The following TRAPPC10 variants were observed in gnomAD, a reference collection of about 807,000 sequenced individuals.
TRAPPC10 encodes the protein trafficking protein particle complex subunit 10.
TRAPPC10 carries 23 observed loss-of-function variants against 125.5 expected under a neutral mutation model. The observed-to-expected ratio is 0.18, with a 90% CI of 0.13 to 0.26. TRAPPC10 has a LOEUF of 0.26. Ranked by LOEUF, TRAPPC10 falls within the 10% of genes least tolerant of loss-of-function variation. The pLI is 1.00. For missense variants in TRAPPC10, 1,123 were observed against 1,308.4 expected (o/e 0.86, Z 2.19); for synonymous variants, 509 against 518.0 (o/e 0.98, Z 0.24).
In TRAPPC10 at chr21:44,087,018, G is replaced by T; in HGVS notation, c.2539+58G>T. 2 of 1,580,914 alleles carry T rather than the reference G, an allele frequency of 1.3e-6. No individual in the cohort carries two copies. On this transcript the variant is annotated intron_variant, in intron 16 of 22. Coordinates refer to ENST00000291574, the MANE Select transcript of TRAPPC10 (RefSeq NM_003274.5). The surrounding 1 kb of genome is among the most constrained non-coding windows in gnomAD (Gnocchi z 4.6). ...TGCCCACCTTGCCCTGCACTGTGTGGGTGTGAGGGTGAGCCTGGCCTTGCT... is the reference window on the plus strand; with the variant it reads ...TGCCCACCTTGCCCTGCACTGTGTGTGTGTGAGGGTGAGCCTGGCCTTGCT...
Position 44,032,089 on chromosome 21 carries a change from A to G in TRAPPC10, c.68-2A>G. 1 of 1,611,276 alleles carries G rather than the reference A, an allele frequency of 6.2e-7. No individual in the cohort carries two copies. Among genetic ancestry groups the G allele is most frequent in the Non-Finnish European group, 8.5e-7 (1 of 1,178,662 alleles). ...AACTGAATTTCTTTCTTCCCTTCAT[A>G]GGTGCTGGAGATCAGAATTTATTTA... On this transcript the variant is annotated splice_acceptor_variant, in intron 1 of 22. Transcript: ENST00000291574. LOFTEE classifies it high-confidence loss of function.
intron 1 of TRAPPC10, among the ~76,000 whole-genome samples, chr21:44,030,857 G>A (rs542761001): frequency 6.6e-6 from 1 of 152,246 alleles, no homozygotes; most frequent in Non-Finnish European, 1.5e-5. Context: ...TTAACAAAAT[G>A]TAGTAATAGT....
At chr21:44,015,660 G>C (rs1407559330) in intron 1 of TRAPPC10, among the ~76,000 whole-genome samples, 4 of 151,278 alleles carry the variant, frequency 2.6e-5, no homozygotes, top group Admixed American at 2.6e-4. Flanking sequence ...TCTTGCCCAG[G>C]CTGGAGTGCA....
rs537721735 is a variant in TRAPPC10 at position 44,044,238 on chromosome 21, T to C, written c.285+6311T>C. On this transcript the variant is annotated intron_variant, in intron 3 of 22. Transcript: ENST00000291574. Reference sequence around the variant, plus strand: ...TCTGCCCTTATTTTTCGTAAAAGTTTTACATTTTTATTGTTAGCTTTAGCT... The same window carrying C: ...TCTGCCCTTATTTTTCGTAAAAGTTCTACATTTTTATTGTTAGCTTTAGCT... 7.2e-5 allele frequency among the ~76,000 whole-genome samples: 11 copies of C among 152,336 alleles called. No individual in the cohort carries two copies. In the East Asian group the frequency reaches 1.9e-3, roughly 27 times the overall value.
chr21:44,031,951 G>C, intron 1 of TRAPPC10, 140 bp from the exon 2 acceptor site: 1 of 692,854 alleles, frequency 1.4e-6, no homozygotes, highest in South Asian at 1.8e-5. Flanking sequence ...TTATGTAGAG[G>C]CACAGGTACA....
chr21:44,084,063 A>C (rs985409087), intron 14 of TRAPPC10, 59 bp from the exon 15 acceptor site: 3 of 1,604,474 alleles, frequency 1.9e-6, no homozygotes, highest in Non-Finnish European at 2.6e-6. Flanking sequence ...GCGCTACCGC[A>C]GGAAGCTAAC....
At chr21:44,080,272 C>T in intron 13 of TRAPPC10, 145 bp downstream of exon 13, 1 of 604,804 alleles carries the variant, frequency 1.7e-6, no homozygotes, top group Non-Finnish European at 2.7e-6. Context: ...TTTCACCTGA[C>T]TTTTTTTTTT....
At chr21:44,024,143 T>G (rs1032842052) in intron 1 of TRAPPC10, among the ~76,000 whole-genome samples, 7 of 152,226 alleles carry the variant, frequency 4.6e-5, no homozygotes, top group Admixed American at 2.6e-4. Flanking sequence ...AGTTCACTCT[T>G]TTTGATGAAA....
chr21:44,083,324 T>C, intron 14 of TRAPPC10, 22 bp downstream of exon 14: 1 of 1,601,978 alleles, frequency 6.2e-7, no homozygotes, highest in Non-Finnish European at 8.5e-7. Flanking sequence ...GGGTGGGAAC[T>C]TGACTTTCAA....
intron 3 of TRAPPC10, among the ~76,000 whole-genome samples, chr21:44,048,730 G>A (rs1336871828): frequency 2.6e-5 from 4 of 151,360 alleles, no homozygotes; most frequent in Admixed American, 1.3e-4. Flanking sequence ...CTGACCTCAA[G>A]TGATCTGCCC....
intron 1 of TRAPPC10, among the ~76,000 whole-genome samples, chr21:44,025,467 A>G (rs1298795564): frequency 6.6e-6 from 1 of 152,154 alleles, no homozygotes; most frequent in Non-Finnish European, 1.5e-5. Flanking sequence ...TTAAAGGCTG[A>G]TTCCTCAGTA....
At chr21:44,057,949 G>A (rs936155152) in intron 5 of TRAPPC10, among the ~76,000 whole-genome samples, 1 of 152,200 alleles carries the variant, frequency 6.6e-6, no homozygotes, top group Non-Finnish European at 1.5e-5. Context: ...TTTTTAATGT[G>A]CAGTAATGGA....
At chr21:44,014,373 A>G (rs4819367) in intron 1 of TRAPPC10, among the ~76,000 whole-genome samples, 18 of 144,736 alleles carry the variant, frequency 1.2e-4, no homozygotes, top group South Asian at 2.2e-4. Flanking sequence ...TGTTTTGAGC[A>G]GCAGAGTGAA....
intron 7 of TRAPPC10, among the ~76,000 whole-genome samples, chr21:44,073,938 G>A (rs1408200595): frequency 6.6e-6 from 1 of 151,732 alleles, no homozygotes; most frequent in African/African-American, 2.4e-5. Flanking sequence ...CTCACTCTTG[G>A]AGTAAATGAT....
rs150428460 is a variant in TRAPPC10, at chr21:44,018,996, G to C, written c.67+6436G>C. ...CAAGTACTGACCCTCCCACCCCCGTGCTCCACTCTAGACCTGGTGGCTTTA... is the reference window on the plus strand; with the variant it reads ...CAAGTACTGACCCTCCCACCCCCGTCCTCCACTCTAGACCTGGTGGCTTTA... On this transcript the variant is annotated intron_variant, in intron 1 of 22. Coordinates refer to ENST00000291574, the MANE Select transcript of TRAPPC10 (RefSeq NM_003274.5). 1.1e-4 allele frequency among the ~76,000 whole-genome samples: 17 copies of C among 152,236 alleles called. No homozygotes were observed. In the East Asian group the frequency reaches 2.9e-3, roughly 26 times the overall value.
intron 2 of TRAPPC10, 72 bp downstream of exon 2, chr21:44,032,244 G>A (rs893300814): frequency 1.6e-6 from 2 of 1,262,408 alleles, no homozygotes; most frequent in East Asian, 2.3e-5. Context: ...TTTTAAATAA[G>A]TATATGTTGT....
intron 11 of TRAPPC10, among the ~76,000 whole-genome samples, chr21:44,078,683 T>G (rs1039215343): frequency 1.3e-5 from 2 of 152,164 alleles, no homozygotes; most frequent in African/African-American, 4.8e-5. Context: ...TTCCATGCTG[T>G]GTATCTGAAG....
rs569247258 is a variant in TRAPPC10, at chr21:44,082,606, G to A, written c.1724-182G>A. Among the ~76,000 whole-genome samples, 196 of 152,098 alleles carry A rather than the reference G, an allele frequency of 1.3e-3. 2 individuals are homozygous for A. Among genetic ancestry groups the A allele is most frequent in the African/African-American group, 4.6e-3 (190 of 41,486 alleles). Reference sequence around the variant, plus strand: ...TTACGTAGGTATTTGCTAATATTCTGCTTTTGATACAATAGCCTTTGGGGG... The same window carrying A: ...TTACGTAGGTATTTGCTAATATTCTACTTTTGATACAATAGCCTTTGGGGG... On this transcript the variant is annotated intron_variant, in intron 13 of 22. Transcript: ENST00000291574. This position sits in a 1 kb window ranked among gnomAD's most constrained non-coding sequence, Gnocchi z 4.4.
intron 1 of TRAPPC10, among the ~76,000 whole-genome samples, chr21:44,019,581 C>T (rs2032264273): frequency 1.3e-5 from 2 of 152,086 alleles, no homozygotes; most frequent in Admixed American, 1.3e-4. Context: ...CTTCTTTTTT[C>T]TCTCACAACT....
Sources: allele counts gnomAD v4.1 joint callset (sites outside exome capture counted in the v4.1 genomes callset), GRCh38; gene constraint gnomAD v4.1.1; non-coding constraint Gnocchi (gnomAD v3.1); transcripts MANE v1.5; gene names NCBI Gene and HGNC (gene_info 2026-07-23, HGNC 2026-07-21).